SMYD3: variants seen among roughly 807,000 people sequenced by gnomAD.
SMYD3 encodes the protein histone-lysine N-methyltransferase SMYD3.
SMYD3 carries 36 observed loss-of-function variants against 57.7 expected under a neutral mutation model. The ratio of observed to expected loss-of-function variants is 0.62; its 90% confidence interval spans 0.48 to 0.82. The LOEUF is 0.82. SMYD3 is among the 40% of genes least tolerant of loss of function. The pLI is 0.00. For synonymous variants in SMYD3, 211 were observed against 195.0 expected, an observed-to-expected ratio of 1.08 and a Z score of -0.68; for missense variants, 515 against 538.8, an observed-to-expected ratio of 0.96 and a Z score of 0.44.
At chr1:246,499,399 TATACAC>T (rs757760194) in intron 1 of SMYD3, among the ~76,000 whole-genome samples, 8 of 39,670 alleles carry the variant, frequency 2.0e-4, no homozygotes, top group South Asian at 7.0e-4. Flanking sequence ...AACCATCAAA[TATACAC>T]ACACACACAC....
chr1:246,369,638 T>C (rs538126152), intron 1 of SMYD3, among the ~76,000 whole-genome samples: 3 of 152,252 alleles, frequency 2.0e-5, no homozygotes, highest in Admixed American at 1.3e-4. Context: ...GTGATTCTCC[T>C]ACCTCAGCCT....
intron 1 of SMYD3, among the ~76,000 whole-genome samples, chr1:246,374,277 C>A (rs991481982): frequency 5.3e-5 from 8 of 152,144 alleles, no homozygotes; most frequent in Non-Finnish European, 1.0e-4. Flanking sequence ...TCCATATTTG[C>A]AAATTCACTT....
chr1:245,805,305 G>C (rs2048099518), intron 10 of SMYD3, among the ~76,000 whole-genome samples: 1 of 152,180 alleles, frequency 6.6e-6, no homozygotes, highest in Admixed American at 6.5e-5. Context: ...GCAAGAAGCT[G>C]GATGTCAGGT....
chr1:245,984,395 C>G (rs527273579), intron 5 of SMYD3, among the ~76,000 whole-genome samples: 2 of 152,320 alleles, frequency 1.3e-5, no homozygotes, highest in East Asian at 3.9e-4. Context: ...ACTTCACAAC[C>G]ATGCAGCACA....
At chr1:246,430,435 G>A (rs2067279198) in intron 1 of SMYD3, among the ~76,000 whole-genome samples, 1 of 152,226 alleles carries the variant, frequency 6.6e-6, no homozygotes, top group African/African-American at 2.4e-5. Context: ...TACTTGAGTT[G>A]AACTAGAGCG....
intron 8 of SMYD3, among the ~76,000 whole-genome samples, chr1:245,885,874 G>T (rs894423785): frequency 6.6e-6 from 1 of 152,128 alleles, no homozygotes; most frequent in Non-Finnish European, 1.5e-5. Flanking sequence ...TTAATATGAT[G>T]TCAAACTAAG....
rs1157988133 is a variant in SMYD3 at position 246,201,387 on chromosome 1, C to T, written c.531+125814G>A. Among the ~76,000 whole-genome samples the T allele has an allele frequency of 8.5e-5, 13 of 152,202 alleles. No homozygotes were observed. In the East Asian group the frequency reaches 2.1e-3, roughly 25 times the overall value. On this transcript the variant is annotated intron_variant, in intron 5 of 11. Transcript: ENST00000490107. ...TACCATGCAGAAAATGGGTGTTCAT[C>T]TCTCTGGATCAGCTTAAGCACACGC... is the stretch of plus-strand genomic sequence containing the variant.
At chr1:245,920,948 A>G (rs1253483092) in intron 7 of SMYD3, among the ~76,000 whole-genome samples, 1 of 152,236 alleles carries the variant, frequency 6.6e-6, no homozygotes, top group Non-Finnish European at 1.5e-5. Context: ...AGTGGGACCT[A>G]AACTAAAGAG....
intron 5 of SMYD3, among the ~76,000 whole-genome samples, chr1:246,121,432 CAAAAAAA>C (rs10646615): frequency 3.0e-5 from 3 of 100,300 alleles, no homozygotes; most frequent in African/African-American, 3.9e-5. Flanking sequence ...TTCCATTTTG[CAAAAAAA>C]AAAAAAAAAA....
At chr1:245,814,700 G>A (rs551308973) in intron 10 of SMYD3, among the ~76,000 whole-genome samples, 10 of 152,140 alleles carry the variant, frequency 6.6e-5, no homozygotes, top group African/African-American at 2.4e-4. Context: ...GCTCCGATGA[G>A]GAATAAACTT....
intron 5 of SMYD3, among the ~76,000 whole-genome samples, chr1:246,007,351 T>C (rs971740772): frequency 1.3e-5 from 2 of 152,136 alleles, no homozygotes; most frequent in Non-Finnish European, 1.5e-5. Flanking sequence ...GGGTGCCTCG[T>C]GAAAGGGAGT....
intron 5 of SMYD3, among the ~76,000 whole-genome samples, chr1:246,164,370 C>T (rs1017474111): frequency 6.6e-6 from 1 of 152,040 alleles, no homozygotes; most frequent in East Asian, 1.9e-4. Context: ...CAGTGAGCTG[C>T]GATCATGCCA....
intron 8 of SMYD3, among the ~76,000 whole-genome samples, chr1:245,902,760 A>C (rs920480288): frequency 3.3e-5 from 5 of 152,228 alleles, no homozygotes; most frequent in Admixed American, 6.5e-5. Flanking sequence ...ATGGACAAAG[A>C]AATAATATGA....
At chr1:245,967,973 C>A (rs1476056892) in intron 5 of SMYD3, among the ~76,000 whole-genome samples, 1 of 152,094 alleles carries the variant, frequency 6.6e-6, no homozygotes, top group Admixed American at 6.6e-5. Context: ...TCCTAACTTC[C>A]CCAAACTTTG....
At chr1:245,926,637 A>G (rs541524724) in intron 7 of SMYD3, among the ~76,000 whole-genome samples, 1 of 152,346 alleles carries the variant, frequency 6.6e-6, no homozygotes, top group Non-Finnish European at 1.5e-5. Context: ...CGGGAGAATG[A>G]CTGGCAGCCG....
rs186609376 is a variant in SMYD3, at chr1:246,355,537, G to T, written c.165-443C>A. On this transcript the variant is annotated intron_variant, in intron 1 of 11. Coordinates refer to ENST00000490107, the MANE Select transcript of SMYD3 (RefSeq NM_001167740.2). This position sits in a 1 kb window ranked among gnomAD's most constrained non-coding sequence, Gnocchi z 5.0. ...TGCTTGCTCAGCAGGGAGGCTGGCG[G>T]TCTGGGGCAAGTTCTCAGCCACAGT... Among the ~76,000 whole-genome samples, 252 of 152,288 alleles carry T rather than the reference G, an allele frequency of 1.7e-3. 5 individuals carry two copies. The highest frequency in any genetic ancestry group is 0.016 in the Admixed American group (248 of 15,300).
At chr1:246,057,094 T>C (rs12022364) in intron 5 of SMYD3, among the ~76,000 whole-genome samples, 1 of 152,052 alleles carries the variant, frequency 6.6e-6, no homozygotes, top group African/African-American at 2.4e-5. Flanking sequence ...CAAGTTCAAG[T>C]CCATCCTCGG....
At chr1:246,190,138 CACTT>C (rs2062709294) in intron 5 of SMYD3, among the ~76,000 whole-genome samples, 1 of 152,218 alleles carries the variant, frequency 6.6e-6, no homozygotes. Flanking sequence ...CCAAGTTTAT[CACTT>C]ACTAAGTGTC....
At position 246,105,754 on chromosome 1, in the gene SMYD3, G is replaced by A. The variant is rs779309934; in HGVS notation, c.532-175817C>T. ...AGACACACAGAGAAAAGAAATGCCC[G>A]AAATGCCAGGTGGAAAGTAATGGGC... is the stretch of plus-strand genomic sequence containing the variant. On this transcript the variant is annotated intron_variant, in intron 5 of 11. Transcript: ENST00000490107. Among the ~76,000 whole-genome samples, 5 of 152,276 alleles carry A rather than the reference G, an allele frequency of 3.3e-5. No homozygotes were observed. In the East Asian group the frequency reaches 5.8e-4, roughly 18 times the overall value.
Sources: gnomAD v4.1 joint callset for allele counts (sites outside exome capture counted in the v4.1 genomes callset) on GRCh38, gnomAD v4.1.1 for gene constraint, Gnocchi (gnomAD v3.1) non-coding constraint, MANE v1.5 for transcripts, NCBI Gene and HGNC (gene_info 2026-07-23, HGNC 2026-07-21) for gene names.